RFX3: variants seen among roughly 807,000 people sequenced by gnomAD.
The protein encoded by RFX3 is regulatory factor X3.
A neutral mutation model predicts 98.6 loss-of-function variants in RFX3; 14 were observed. The observed-to-expected ratio is 0.14, with a 90% CI of 0.09 to 0.22. The LOEUF (loss-of-function observed/expected upper bound fraction) is 0.22. Ranked by LOEUF, RFX3 falls within the 10% of genes least tolerant of loss-of-function variation. The pLI, the probability that RFX3 is intolerant of heterozygous loss-of-function variation, is 1.00. For missense variants in RFX3, 639 were observed against 926.9 expected, an observed-to-expected ratio of 0.69 and a Z score of 4.03; for synonymous variants, 383 against 328.4, an observed-to-expected ratio of 1.17 and a Z score of -1.80.
intron 2 of RFX3, among the ~76,000 whole-genome samples, chr9:3,351,578 T>A (rs78539386): frequency 2.0e-5 from 3 of 151,868 alleles, no homozygotes; most frequent in African/African-American, 7.2e-5. Context: ...ACGTACTTAA[T>A]AAGGTATAGT....
chr9:3,507,075 G>C (rs927417501), intron 1 of RFX3, among the ~76,000 whole-genome samples: 3 of 151,856 alleles, frequency 2.0e-5, no homozygotes, highest in Non-Finnish European at 4.4e-5. Context: ...CTCATGCTGA[G>C]TTCAAAAACC....
chr9:3,363,401 A>T (rs1021638256), intron 2 of RFX3, among the ~76,000 whole-genome samples: 2 of 152,230 alleles, frequency 1.3e-5, no homozygotes, highest in Non-Finnish European at 2.9e-5. Context: ...ACATAGATAC[A>T]GATTCATACT....
intron 1 of RFX3, among the ~76,000 whole-genome samples, chr9:3,468,522 T>G (rs1446075822): frequency 6.6e-6 from 1 of 152,188 alleles, no homozygotes; most frequent in Non-Finnish European, 1.5e-5. Context: ...CACTGCTCCC[T>G]TTTGCCACGC....
chr9:3,346,528 C>A, intron 3 of RFX3, 139 bp downstream of exon 3: 2 of 584,232 alleles, frequency 3.4e-6, no homozygotes, highest in Non-Finnish European at 6.0e-6. Flanking sequence ...CTCTAAACAT[C>A]AGCTTAATTT....
chr9:3,298,622 G>A (rs996291948), intron 5 of RFX3, among the ~76,000 whole-genome samples: 1 of 151,768 alleles, frequency 6.6e-6, no homozygotes, highest in East Asian at 1.9e-4. Context: ...ATGCCTATTA[G>A]AGATGCTGGT....
chr9:3,270,301 C>A, intron 11 of RFX3, 70 bp downstream of exon 11: 1 of 1,434,508 alleles, frequency 7.0e-7, no homozygotes, highest in South Asian at 1.3e-5. Context: ...ATTGCAATGT[C>A]ACTTCTCAAA....
intron 5 of RFX3, among the ~76,000 whole-genome samples, chr9:3,295,059 A>T (rs1827829644): frequency 6.6e-6 from 1 of 152,136 alleles, no homozygotes; most frequent in African/African-American, 2.4e-5. Context: ...GCGCTTAAAC[A>T]TGATTTCTGA....
rs367725356 is a variant in RFX3, at chr9:3,395,436, G to C, written c.117+36C>G. 7.0e-4 allele frequency: 1,119 copies of C among 1,604,626 alleles called. 26 individuals carry two copies. In the South Asian group the frequency reaches 9.8e-3, roughly 14 times the overall value. On this transcript the variant is annotated intron_variant, in intron 2 of 16. Transcript: ENST00000617270. ...ATGTTGGACAGCCAACATAATGAAA[G>C]TAACAGCATCTTTTCTAAGAGCAGC...
intron 3 of RFX3, among the ~76,000 whole-genome samples, chr9:3,332,533 T>C (rs1228829003): frequency 6.6e-6 from 1 of 152,164 alleles, no homozygotes; most frequent in Admixed American, 6.5e-5. Context: ...TTTTCCCTTC[T>C]CTAATCAGTT....
At chr9:3,331,853 T>C (rs1832639700) in intron 3 of RFX3, among the ~76,000 whole-genome samples, 1 of 152,182 alleles carries the variant, frequency 6.6e-6, no homozygotes, top group African/African-American at 2.4e-5. Flanking sequence ...TACTTCCTAG[T>C]TATACTTTAA....
chr9:3,321,118 G>C (rs557912154), intron 4 of RFX3, among the ~76,000 whole-genome samples: 7 of 152,040 alleles, frequency 4.6e-5, no homozygotes, highest in East Asian at 3.9e-4. Flanking sequence ...TGGTCAGGCT[G>C]GTCTCGAACT....
intron 2 of RFX3, among the ~76,000 whole-genome samples, chr9:3,390,185 CAT>C (rs1173670398): frequency 2.0e-5 from 3 of 152,138 alleles, no homozygotes; most frequent in African/African-American, 4.8e-5. Flanking sequence ...ACAATTCCCA[CAT>C]GTCTTGGGAG....
intron 9 of RFX3, among the ~76,000 whole-genome samples, chr9:3,273,166 G>A (rs1824725017): frequency 6.6e-6 from 1 of 152,118 alleles, no homozygotes; most frequent in Non-Finnish European, 1.5e-5. Flanking sequence ...TAGGGCAAAT[G>A]ACTACGGGAC....
intron 13 of RFX3, among the ~76,000 whole-genome samples, chr9:3,260,405 G>T (rs1393808498): frequency 6.6e-6 from 1 of 151,824 alleles, no homozygotes; most frequent in African/African-American, 2.4e-5. Context: ...AACCAGGGAA[G>T]AACTCATTTG....
intron 14 of RFX3, among the ~76,000 whole-genome samples, chr9:3,254,307 G>T (rs1821818028): frequency 6.6e-6 from 1 of 150,736 alleles, no homozygotes; most frequent in Non-Finnish European, 1.5e-5. Flanking sequence ...GTAGACGTAA[G>T]GGCAAGTCTG....
intron 2 of RFX3, among the ~76,000 whole-genome samples, chr9:3,383,224 T>C (rs888502510): frequency 6.6e-6 from 1 of 152,130 alleles, no homozygotes; most frequent in Non-Finnish European, 1.5e-5. Flanking sequence ...AGGTAGGGCA[T>C]AGGAGGTTCA....
intron 1 of RFX3, among the ~76,000 whole-genome samples, chr9:3,460,245 A>G (rs920873266): frequency 1.3e-5 from 2 of 152,044 alleles, no homozygotes; most frequent in African/African-American, 4.8e-5. Flanking sequence ...AGGTACTTAG[A>G]AAAGATACTA....
chr9:3,332,138 C>G (rs995179164), intron 3 of RFX3, among the ~76,000 whole-genome samples: 1 of 152,132 alleles, frequency 6.6e-6, no homozygotes, highest in African/African-American at 2.4e-5. Context: ...ATCATACACA[C>G]TACCTTAATT....
chr9:3,385,479 G>C (rs1184992215), intron 2 of RFX3, among the ~76,000 whole-genome samples: 2 of 152,046 alleles, frequency 1.3e-5, no homozygotes, highest in Non-Finnish European at 2.9e-5. Flanking sequence ...CGGAGGCTGA[G>C]ACGGGTAGAT....
Sources: gnomAD v4.1 joint callset for allele counts (sites outside exome capture counted in the v4.1 genomes callset) on GRCh38, gnomAD v4.1.1 for gene constraint, MANE v1.5 for transcripts, NCBI Gene and HGNC (gene_info 2026-07-23, HGNC 2026-07-21) for gene names.